Variants in PCDH11X observed in about 807,000 individuals in gnomAD.
PCDH11X encodes protocadherin 11 X-linked, also known as protocadherin-11 X-linked.
In PCDH11X, 18 loss-of-function variants were observed where a neutral mutation model predicts 53.3. That is an observed-to-expected ratio of 0.34 (90% CI 0.23 to 0.50). The LOEUF is 0.50. Among genes scored for constraint, PCDH11X ranks in the 20% least tolerant of loss-of-function variants. PCDH11X has a pLI of 0.98. For missense variants in PCDH11X, 570 were observed against 1,032.4 expected (o/e 0.55, Z 6.14); for synonymous variants, 279 against 393.3 (o/e 0.71, Z 3.44).
chrX:91,994,889 T>C (rs2147948957), intron 6 of PCDH11X, among the ~76,000 whole-genome samples: 1 of 111,510 alleles, frequency 9.0e-6, no homozygotes, highest in African/African-American at 3.3e-5. Context: ...TGCATTTCCC[T>C]AATGATTAGT....
chrX:92,208,902 G>T (rs1241881335), intron 7 of PCDH11X, among the ~76,000 whole-genome samples: 1 of 110,699 alleles, frequency 9.0e-6, no homozygotes, highest in East Asian at 2.9e-4. Flanking sequence ...AAGGTGAAGG[G>T]TAAGCCAGTC....
chrX:91,843,678 G>T (rs1363642924), intron 5 of PCDH11X, among the ~76,000 whole-genome samples: 1 of 109,161 alleles, frequency 9.2e-6, no homozygotes. Context: ...TTAAGAAAAT[G>T]GAATTATTTA....
chrX:92,584,129 A>T (rs72608340), intron 10 of PCDH11X, among the ~76,000 whole-genome samples: 32,916 of 109,577 alleles, frequency 0.3, 4,387 homozygotes, highest in African/African-American at 0.5. Flanking sequence ...ACTAACTAAA[A>T]CAGTGTCCAG....
intron 6 of PCDH11X, among the ~76,000 whole-genome samples, chrX:92,043,669 A>T (rs6618827): frequency 0.13 from 13,426 of 100,046 alleles, 1,069 homozygotes; most frequent in East Asian, 0.38. Flanking sequence ...ACTGTATGAA[A>T]AACAGCTTCA....
chrX:92,466,582 A>T (rs1384522965), intron 9 of PCDH11X, among the ~76,000 whole-genome samples: 1 of 110,210 alleles, frequency 9.1e-6, no homozygotes, highest in Non-Finnish European at 1.9e-5. Context: ...AAATATGCTT[A>T]TTGTTCTGAA....
intron 4 of PCDH11X, among the ~76,000 whole-genome samples, chrX:91,830,981 G>C (rs1937086038): frequency 9.0e-6 from 1 of 111,147 alleles, no homozygotes; most frequent in South Asian, 3.7e-4. Context: ...AAATATCAAG[G>C]AAATTATGCC....
At chrX:92,224,877 C>G (rs2066941657) in intron 7 of PCDH11X, among the ~76,000 whole-genome samples, 1 of 112,184 alleles carries the variant, frequency 8.9e-6, no homozygotes, top group African/African-American at 3.2e-5. Flanking sequence ...TACCTTTGCT[C>G]CATCTAAAGT....
At chrX:92,561,613 A>C (rs193159799) in intron 10 of PCDH11X, among the ~76,000 whole-genome samples, 1 of 108,773 alleles carries the variant, frequency 9.2e-6, no homozygotes, top group Admixed American at 1.0e-4. Context: ...CAGATGGGAC[A>C]AAAAGAATTA....
chrX:92,532,579 T>A (rs1393375479), intron 10 of PCDH11X, among the ~76,000 whole-genome samples: 1 of 108,875 alleles, frequency 9.2e-6, no homozygotes, highest in Non-Finnish European at 1.9e-5. Flanking sequence ...AGCAGTGAGA[T>A]TTAATAATAT....
At chrX:92,128,650 C>G (rs185033612) in intron 6 of PCDH11X, among the ~76,000 whole-genome samples, 1 of 110,149 alleles carries the variant, frequency 9.1e-6, no homozygotes, top group South Asian at 3.9e-4. Context: ...CTGTCTGCCT[C>G]GGCCTCCCAA....
At chrX:92,165,381 T>C (rs1346946629) in intron 6 of PCDH11X, among the ~76,000 whole-genome samples, 1 of 111,997 alleles carries the variant, frequency 8.9e-6, no homozygotes, top group Non-Finnish European at 1.9e-5. Flanking sequence ...CTCAAAGCAG[T>C]CTCTGCAAAA....
At chrX:92,375,652 T>C (rs2074786695) in intron 8 of PCDH11X, among the ~76,000 whole-genome samples, 1 of 110,045 alleles carries the variant, frequency 9.1e-6, no homozygotes, top group Non-Finnish European at 1.9e-5. Context: ...TGAGATGGAG[T>C]CTCACTCTGT....
At chrX:92,222,928 C>T (rs751553452) in intron 7 of PCDH11X, among the ~76,000 whole-genome samples, 2 of 112,386 alleles carry the variant, frequency 1.8e-5, no homozygotes, top group South Asian at 7.3e-4. Flanking sequence ...ACTTTCATGC[C>T]TATCCATGTT....
intron 10 of PCDH11X, among the ~76,000 whole-genome samples, chrX:92,587,826 G>A (rs1368813869): frequency 1.8e-5 from 2 of 109,481 alleles, no homozygotes; most frequent in Non-Finnish European, 3.8e-5. Flanking sequence ...CTCCATTGAT[G>A]TGTGTGTTGC....
intron 6 of PCDH11X, among the ~76,000 whole-genome samples, chrX:91,956,031 T>A (rs1416808904): frequency 1.8e-5 from 2 of 110,256 alleles, no homozygotes; most frequent in African/African-American, 3.3e-5. Flanking sequence ...CTTTTTTAAA[T>A]CCATATTGGT....
At chrX:92,244,683 T>C (rs1343543387) in intron 7 of PCDH11X, among the ~76,000 whole-genome samples, 1 of 111,768 alleles carries the variant, frequency 8.9e-6, no homozygotes, top group Non-Finnish European at 1.9e-5. Flanking sequence ...CATTGGTGTT[T>C]TACAGATTAA....
At chrX:92,310,833 A>C (rs1206952425) in intron 8 of PCDH11X, among the ~76,000 whole-genome samples, 1 of 112,494 alleles carries the variant, frequency 8.9e-6, no homozygotes, top group Non-Finnish European at 1.9e-5. Flanking sequence ...GAAATAGTTA[A>C]AATGTAGATT....
chrX:92,210,032 G>C (rs928738997), intron 7 of PCDH11X, among the ~76,000 whole-genome samples: 5 of 110,766 alleles, frequency 4.5e-5, no homozygotes, highest in Non-Finnish European at 7.6e-5. Flanking sequence ...AGGCTGCACA[G>C]AGCAGCAGGG....
intron 5 of PCDH11X, among the ~76,000 whole-genome samples, chrX:91,876,089 T>C (rs1939599602): frequency 8.9e-6 from 1 of 112,223 alleles, no homozygotes; most frequent in Non-Finnish European, 1.9e-5. Context: ...AAAATATACT[T>C]TTTTCTTTTG....
Sources: allele counts gnomAD v4.1 joint callset (sites outside exome capture counted in the v4.1 genomes callset), GRCh38; gene constraint gnomAD v4.1.1; transcripts MANE v1.5; gene names NCBI Gene and HGNC (gene_info 2026-07-23, HGNC 2026-07-21).